Variants in THSD4 observed in about 807,000 individuals in gnomAD.
THSD4 encodes thrombospondin type-1 domain-containing protein 4.
Under a neutral mutation model 119.0 loss-of-function variants are expected in THSD4, and 69 were observed. The observed-to-expected ratio is 0.58, with a 90% confidence interval of 0.48 to 0.71. The LOEUF is 0.71. Ranked by LOEUF, THSD4 falls within the 30% of genes least tolerant of loss-of-function variation. The probability of loss-of-function intolerance (pLI) is 0.00; values close to 1 mark genes in which losing one functional copy is unlikely to be tolerated. For synonymous variants in THSD4, 524 were observed against 540.4 expected (o/e 0.97, Z 0.42); for missense variants, 1,393 against 1,391.1 (o/e 1.00, Z -0.02).
chr15:71,542,974 A>G lies in THSD4; in HGVS notation c.1153-117556A>G, dbSNP rs562446736. On this transcript the variant is annotated intron_variant, in intron 7 of 17. Transcript: ENST00000261862. Reference sequence around the variant, plus strand: ...AGAGCATCAAGGTCATGAAAAACAAAGAAAGGCTGAGAAATGGTCACAGAC... The same window carrying G: ...AGAGCATCAAGGTCATGAAAAACAAGGAAAGGCTGAGAAATGGTCACAGAC... Among the ~76,000 whole-genome samples, 54 of 152,154 alleles carry G rather than the reference A, an allele frequency of 3.5e-4. 3 individuals are homozygous for G. In the South Asian group the frequency reaches 0.011, roughly 30 times the overall value.
chr15:71,482,526 G>A (rs1271176712), intron 7 of THSD4, among the ~76,000 whole-genome samples: 4 of 151,848 alleles, frequency 2.6e-5, no homozygotes, highest in Non-Finnish European at 4.4e-5. Flanking sequence ...TCCTGACCTC[G>A]TGATCTGCCT....
At chr15:71,738,756 C>G (rs1286492194) in intron 11 of THSD4, among the ~76,000 whole-genome samples, 1 of 152,100 alleles carries the variant, frequency 6.6e-6, no homozygotes, top group East Asian at 1.9e-4. Context: ...ACTGGGGTCT[C>G]TCGTCTAGGT....
chr15:71,467,466 A>G lies in THSD4; in HGVS notation c.1152+55643A>G, dbSNP rs143287774. 3.4e-4 allele frequency among the ~76,000 whole-genome samples: 52 copies of G among 152,310 alleles called. No homozygotes were observed. The East Asian group carries it at 9.8e-3, about 29-fold the overall frequency. On this transcript the variant is annotated intron_variant, in intron 7 of 17. Transcript: ENST00000261862. ...AAATATGATAGAGCAAAAGAGTGCAATCTAATGGTGATAAACTGGGGGAAT... is the reference window on the plus strand; with the variant it reads ...AAATATGATAGAGCAAAAGAGTGCAGTCTAATGGTGATAAACTGGGGGAAT...
intron 7 of THSD4, among the ~76,000 whole-genome samples, chr15:71,455,911 A>G (rs2047332702): frequency 6.6e-6 from 1 of 152,162 alleles, no homozygotes; most frequent in South Asian, 2.1e-4. Context: ...AACAGAGGCC[A>G]TTGATCCTGC....
At chr15:71,488,512 G>A (rs1429051057) in intron 7 of THSD4, among the ~76,000 whole-genome samples, 3 of 128,936 alleles carry the variant, frequency 2.3e-5, no homozygotes, top group Admixed American at 8.4e-5. Flanking sequence ...GTAAAGTTTG[G>A]TGGAAATCTT....
At chr15:71,169,343 T>C (rs1333300231) in intron 3 of THSD4, among the ~76,000 whole-genome samples, 1 of 152,212 alleles carries the variant, frequency 6.6e-6, no homozygotes, top group African/African-American at 2.4e-5. Context: ...GTTTAAATGG[T>C]AAACCACTTT....
chr15:71,693,183 A>G (rs747517200), intron 8 of THSD4, among the ~76,000 whole-genome samples: 6 of 152,100 alleles, frequency 3.9e-5, no homozygotes, highest in Admixed American at 6.5e-5. Flanking sequence ...GTAGACAGAC[A>G]TTTTTCATTG....
chr15:71,428,432 C>G (rs975687823), intron 7 of THSD4, among the ~76,000 whole-genome samples: 3 of 152,150 alleles, frequency 2.0e-5, no homozygotes, highest in African/African-American at 7.2e-5. Flanking sequence ...TAGGCTCAGA[C>G]TTTTTAATTA....
Position 71,779,585 on chromosome 15 carries a change from T to C in THSD4, c.*2211T>C, listed in dbSNP as rs1305813057. 2 of 152,268 alleles carry C rather than the reference T, an allele frequency of 1.3e-5. No individual in the cohort carries two copies. The highest frequency in any genetic ancestry group is 4.8e-5 in the African/African-American group (2 of 41,476). 9.4% of individuals were successfully genotyped at this position (152,268 alleles called of 1,614,324 possible). On this transcript the variant is annotated 3_prime_UTR_variant, in exon 18 of 18. Coordinates refer to ENST00000261862, the MANE Select transcript of THSD4 (RefSeq NM_024817.3). ...CCACACATGAGAGAGCGCTCTGTCC[T>C]TAAAGGGAATTCTCTGTTGAGTGGG...
intron 7 of THSD4, among the ~76,000 whole-genome samples, chr15:71,617,331 G>C (rs998543483): frequency 6.6e-6 from 1 of 152,038 alleles, no homozygotes; most frequent in Non-Finnish European, 1.5e-5. Context: ...AATGATTTTA[G>C]TTTAAATTTT....
At chr15:71,661,650 C>T (rs1000306870) in intron 8 of THSD4, among the ~76,000 whole-genome samples, 1 of 152,124 alleles carries the variant, frequency 6.6e-6, no homozygotes, top group African/African-American at 2.4e-5. Context: ...CCCACCTCGA[C>T]CTCCCAAAGT....
At chr15:71,720,834 G>A (rs751838071) in intron 8 of THSD4, among the ~76,000 whole-genome samples, 12 of 152,202 alleles carry the variant, frequency 7.9e-5, no homozygotes, top group South Asian at 2.1e-4. Flanking sequence ...GCTACTTACC[G>A]TAGCTTCCAA....
chr15:71,741,301 G>A (rs1269485424), intron 11 of THSD4, among the ~76,000 whole-genome samples: 1 of 152,020 alleles, frequency 6.6e-6, no homozygotes, highest in South Asian at 2.1e-4. Flanking sequence ...GAGCAGCCTG[G>A]CCAACGTGGC....
At chr15:71,518,172 C>T (rs958183124) in intron 7 of THSD4, among the ~76,000 whole-genome samples, 5 of 152,122 alleles carry the variant, frequency 3.3e-5, no homozygotes, top group African/African-American at 9.7e-5. Context: ...TGAAAGTTTC[C>T]CTTACTTCTT....
intron 7 of THSD4, among the ~76,000 whole-genome samples, chr15:71,579,565 T>G (rs1408469756): frequency 3.3e-5 from 5 of 152,184 alleles, no homozygotes; most frequent in Non-Finnish European, 7.3e-5. Flanking sequence ...TAAAGTCACT[T>G]CCCTGGGACT....
intron 6 of THSD4, among the ~76,000 whole-genome samples, chr15:71,390,527 C>T (rs532831212): frequency 6.6e-6 from 1 of 152,178 alleles, no homozygotes; most frequent in African/African-American, 2.4e-5. Flanking sequence ...TCTTGTATCT[C>T]CCTATGTCTA....
chr15:71,241,738 C>T (rs541987687), intron 4 of THSD4, among the ~76,000 whole-genome samples: 3 of 152,208 alleles, frequency 2.0e-5, no homozygotes, highest in South Asian at 2.1e-4. Context: ...TGCCCACGTC[C>T]CCCGCCCCAC....
At chr15:71,523,026 G>A (rs1305877713) in intron 7 of THSD4, among the ~76,000 whole-genome samples, 1 of 152,136 alleles carries the variant, frequency 6.6e-6, no homozygotes, top group Non-Finnish European at 1.5e-5. Context: ...GGCATGTTAT[G>A]GGAACAGAGG....
intron 6 of THSD4, among the ~76,000 whole-genome samples, chr15:71,387,836 C>T (rs1198004836): frequency 6.6e-6 from 1 of 152,142 alleles, no homozygotes; most frequent in Non-Finnish European, 1.5e-5. Flanking sequence ...TTTTTCTCAG[C>T]CCAGAACCCC....
Sources: gnomAD v4.1 joint callset for allele counts (sites outside exome capture counted in the v4.1 genomes callset) on GRCh38, gnomAD v4.1.1 for gene constraint, MANE v1.5 for transcripts, NCBI Gene and HGNC (gene_info 2026-07-23, HGNC 2026-07-21) for gene names.